HDAC9: variants seen among roughly 807,000 people sequenced by gnomAD.
The protein encoded by HDAC9 is histone deacetylase 9, also known as MEF-2 interacting transcription repressor (MITR) protein.
In HDAC9, 41 loss-of-function variants were observed where a neutral mutation model predicts 139.4. The ratio of observed to expected loss-of-function variants is 0.29; its 90% confidence interval spans 0.23 to 0.38. HDAC9 has a LOEUF of 0.38. Ranked by LOEUF, HDAC9 falls within the 10% of genes least tolerant of loss-of-function variation. The pLI is 1.00. For missense variants in HDAC9, 1,147 were observed against 1,297.0 expected, an observed-to-expected ratio of 0.88 and a Z score of 1.78; for synonymous variants, 517 against 476.2, an observed-to-expected ratio of 1.09 and a Z score of -1.12.
chr7:18,234,157 G>A (rs771960275), intron 2 of HDAC9, among the ~76,000 whole-genome samples: 8 of 152,236 alleles, frequency 5.3e-5, no homozygotes, highest in Non-Finnish European at 1.0e-4. Context: ...ATATGAGGGA[G>A]GCAGTGTACC....
intron 24 of HDAC9, among the ~76,000 whole-genome samples, chr7:18,969,755 G>A (rs1784129069): frequency 1.3e-5 from 2 of 152,154 alleles, no homozygotes; most frequent in South Asian, 4.1e-4. Flanking sequence ...CAGTACAGAA[G>A]AAGAAAATTA....
intron 17 of HDAC9, among the ~76,000 whole-genome samples, chr7:18,800,436 G>A (rs1328113028): frequency 1.3e-5 from 2 of 152,148 alleles, no homozygotes; most frequent in Non-Finnish European, 2.9e-5. Flanking sequence ...CTACAGATGA[G>A]TTTGACAATA....
intron 17 of HDAC9, among the ~76,000 whole-genome samples, chr7:18,796,886 C>T (rs1792851371): frequency 6.6e-6 from 1 of 152,040 alleles, no homozygotes; most frequent in African/African-American, 2.4e-5. Flanking sequence ...GCTACCATGT[C>T]TTCATAAAAT....
intron 17 of HDAC9, among the ~76,000 whole-genome samples, chr7:18,794,212 C>T (rs2129179901): frequency 6.6e-6 from 1 of 152,316 alleles, no homozygotes; most frequent in East Asian, 1.9e-4. Flanking sequence ...AGTTCACACA[C>T]TTCATGACGC....
At chr7:18,695,814 T>C (rs1783002729) in intron 12 of HDAC9, among the ~76,000 whole-genome samples, 2 of 152,190 alleles carry the variant, frequency 1.3e-5, no homozygotes, top group Non-Finnish European at 2.9e-5. Flanking sequence ...GTCTCAGTTT[T>C]TCAGTTTTCT....
At chr7:18,351,104 A>C (rs1782814945) in intron 1 of HDAC9, among the ~76,000 whole-genome samples, 1 of 152,114 alleles carries the variant, frequency 6.6e-6, no homozygotes, top group Non-Finnish European at 1.5e-5. Flanking sequence ...GGCTGTAAAT[A>C]GTTTTTTCTG....
chr7:18,146,377 T>G (rs1399995053), intron 1 of HDAC9, among the ~76,000 whole-genome samples: 4 of 152,182 alleles, frequency 2.6e-5, no homozygotes, highest in Admixed American at 2.6e-4. Context: ...TCACAGTGGT[T>G]GATTGAGACA....
chr7:18,186,547 G>A (rs984115760), intron 2 of HDAC9, among the ~76,000 whole-genome samples: 1 of 152,150 alleles, frequency 6.6e-6, no homozygotes, highest in African/African-American at 2.4e-5. Flanking sequence ...CTTCGGGTAG[G>A]GAGAAAATAG....
At chr7:18,464,871 T>G (rs1163378134) in intron 1 of HDAC9, among the ~76,000 whole-genome samples, 1 of 152,086 alleles carries the variant, frequency 6.6e-6, no homozygotes, top group East Asian at 1.9e-4. Flanking sequence ...GTCAAACCTT[T>G]GTTTAGCCTC....
intron 2 of HDAC9, among the ~76,000 whole-genome samples, chr7:18,554,325 C>A (rs930100151): frequency 4.7e-5 from 6 of 127,620 alleles, no homozygotes; most frequent in East Asian, 2.5e-4. Context: ...TATTACAGAT[C>A]ACTTTTTTTT....
chr7:18,955,021 T>G (rs1190075699), intron 24 of HDAC9, among the ~76,000 whole-genome samples: 1 of 152,098 alleles, frequency 6.6e-6, no homozygotes, highest in Non-Finnish European at 1.5e-5. Flanking sequence ...TCAGGCCATA[T>G]AGGAACTAAA....
intron 2 of HDAC9, among the ~76,000 whole-genome samples, chr7:18,193,718 G>C (rs984068728): frequency 3.9e-5 from 6 of 152,022 alleles, no homozygotes; most frequent in African/African-American, 1.4e-4. Flanking sequence ...TTTATACAGT[G>C]TCAGTTCTGC....
chr7:18,869,228 G>A (rs1563006164), intron 21 of HDAC9, among the ~76,000 whole-genome samples: 1 of 150,918 alleles, frequency 6.6e-6, no homozygotes, highest in African/African-American at 2.4e-5. Flanking sequence ...GTCTTGGTCC[G>A]GATCTGTGTC....
chr7:18,637,679 T>A (rs1461540464), intron 8 of HDAC9, among the ~76,000 whole-genome samples: 2 of 152,070 alleles, frequency 1.3e-5, no homozygotes, highest in African/African-American at 2.4e-5. Flanking sequence ...GTGCCTGAAC[T>A]ATGATCCAAA....
At chr7:18,281,411 G>A (rs1033143546) in intron 2 of HDAC9, among the ~76,000 whole-genome samples, 4 of 152,050 alleles carry the variant, frequency 2.6e-5, no homozygotes. Context: ...AGAGAGAGAG[G>A]TTGACAAAGG....
intron 2 of HDAC9, among the ~76,000 whole-genome samples, chr7:18,578,357 C>T (rs1446467751): frequency 1.3e-5 from 2 of 152,214 alleles, no homozygotes; most frequent in Non-Finnish European, 2.9e-5. Context: ...CAGAGGCGAT[C>T]AGCTTTCCCC....
intron 24 of HDAC9, among the ~76,000 whole-genome samples, chr7:18,972,046 C>G (rs191878148): frequency 2.1e-3 from 326 of 152,272 alleles, no homozygotes; most frequent in African/African-American, 7.5e-3. Flanking sequence ...GTAATTAAAG[C>G]CCTTGCTTAT....
At chr7:18,591,475 A>ATGTGTGTGTGTGTGTGTG (rs36100341) in intron 4 of HDAC9, 41 bp from the exon 5 acceptor site, 5 of 1,474,026 alleles carry the variant, frequency 3.4e-6, no homozygotes, top group South Asian at 2.7e-5. Flanking sequence ...CTGTGTGTGT[A>ATGTGTGTGTGTGTGTGTG]TGTGTGTGTG....
intron 21 of HDAC9, among the ~76,000 whole-genome samples, chr7:18,858,409 G>C (rs956834846): frequency 2.6e-5 from 4 of 152,086 alleles, no homozygotes; most frequent in South Asian, 2.1e-4. Flanking sequence ...CCCAGCAAAG[G>C]GGGAAGCCCC....
Sources: gnomAD v4.1 joint callset for allele counts (sites outside exome capture counted in the v4.1 genomes callset) on GRCh38, gnomAD v4.1.1 for gene constraint, MANE v1.5 for transcripts, NCBI Gene and HGNC (gene_info 2026-07-23, HGNC 2026-07-21) for gene names.